Variants in SAXO1 observed in about 807,000 individuals in gnomAD.
The protein encoded by SAXO1 is stabilizer of axonemal microtubules 1, also known as 4930500O09Rik.
Under a neutral mutation model 17.5 loss-of-function variants are expected in SAXO1, and 21 were observed. The observed-to-expected ratio is 1.20, with a 90% CI of 0.85 to 1.72. The LOEUF (loss-of-function observed/expected upper bound fraction) is 1.72, where lower values mean the gene tolerates loss of function less well. Ranked by LOEUF, SAXO1 falls within the 40% of genes most tolerant of loss-of-function variation. The pLI is 0.00. For missense variants in SAXO1, 843 were observed against 596.0 expected, an observed-to-expected ratio of 1.41 and a Z score of -4.32; for synonymous variants, 274 against 216.5, an observed-to-expected ratio of 1.27 and a Z score of -2.33.
chr9:19,028,043 G>A (rs927030227), intron 1 of SAXO1: 2 of 1,611,132 alleles, frequency 1.2e-6, no homozygotes, highest in Non-Finnish European at 1.7e-6. Flanking sequence ...GCACTGCGCA[G>A]GGGTGCCACG....
intron 1 of SAXO1, among the ~76,000 whole-genome samples, chr9:19,042,733 ATG>A (rs1272181401): frequency 3.9e-5 from 6 of 152,276 alleles, no homozygotes; most frequent in African/African-American, 1.4e-4. Flanking sequence ...ATGGTGGTGC[ATG>A]CCTGTAATCC....
At chr9:19,042,485 C>G (rs2131072351) in intron 1 of SAXO1, among the ~76,000 whole-genome samples, 1 of 152,356 alleles carries the variant, frequency 6.6e-6, no homozygotes, top group East Asian at 1.9e-4. Flanking sequence ...AAAGAGATAG[C>G]TGCACTCCTA....
Position 18,928,742 on chromosome 9 carries a change from C to T in SAXO1, c.735G>A (p.Arg245=). 1 of 1,614,022 alleles carries T rather than the reference C, an allele frequency of 6.2e-7. No individual in the cohort carries two copies. Residue 245 remains arginine (R), a synonymous_variant, in exon 4 of 4, where the codon CGG becomes CGA. Coordinates refer to ENST00000380534, the MANE Select transcript of SAXO1 (RefSeq NM_153707.4). ...ESLTTQKQSY[R]GLMGEPAKSL... Reference sequence around the variant, plus strand: ...TCTTGGCAGGCTCCCCCATCAGGCCCCGGTAGGATTGTTTTTGAGTGGTAA... The same window carrying T: ...TCTTGGCAGGCTCCCCCATCAGGCCTCGGTAGGATTGTTTTTGAGTGGTAA...
chr9:18,976,467 A>C (rs1833154777), intron 1 of SAXO1, among the ~76,000 whole-genome samples: 1 of 152,232 alleles, frequency 6.6e-6, no homozygotes, highest in Admixed American at 6.5e-5. Context: ...ATGATTGAGA[A>C]AACTAAAAAC....
chr9:19,036,206 T>C (rs957665064), upstream of SAXO1, among the ~76,000 whole-genome samples: 2 of 149,698 alleles, frequency 1.3e-5, no homozygotes, highest in Non-Finnish European at 3.0e-5. Context: ...TATACCCATG[T>C]AACAAACCTG....
At chr9:19,010,183 A>C (rs974853731) in intron 1 of SAXO1, among the ~76,000 whole-genome samples, 2 of 152,026 alleles carry the variant, frequency 1.3e-5, no homozygotes, top group Non-Finnish European at 2.9e-5. Context: ...CTTATATAAA[A>C]GTTGAAACCT....
At chr9:19,010,550 A>G (rs1376604693) in intron 1 of SAXO1, among the ~76,000 whole-genome samples, 2 of 151,770 alleles carry the variant, frequency 1.3e-5, no homozygotes, top group Non-Finnish European at 2.9e-5. Context: ...GATCCTGACC[A>G]CCCGAAACAG....
chr9:19,018,524 G>A (rs1588540780), intron 1 of SAXO1, among the ~76,000 whole-genome samples: 2 of 152,186 alleles, frequency 1.3e-5, no homozygotes, highest in South Asian at 4.1e-4. Flanking sequence ...GTCAATACAC[G>A]CTGTTGGAAG....
intron 1 of SAXO1, among the ~76,000 whole-genome samples, chr9:18,970,896 G>C (rs1832918688): frequency 1.3e-5 from 2 of 152,144 alleles, no homozygotes; most frequent in African/African-American, 4.8e-5. Flanking sequence ...CCAAAACTTA[G>C]CCCGAGGTCT....
At chr9:18,966,332 G>A (rs189557137) in intron 1 of SAXO1, among the ~76,000 whole-genome samples, 147 of 152,274 alleles carry the variant, frequency 9.7e-4, no homozygotes, top group South Asian at 4.1e-3. Context: ...CCTGAAAAGT[G>A]TTTTCCAACT....
intron 1 of SAXO1, among the ~76,000 whole-genome samples, chr9:18,983,015 G>A (rs1833457638): frequency 6.6e-6 from 1 of 152,156 alleles, no homozygotes; most frequent in Admixed American, 6.5e-5. Context: ...AACATGAGGT[G>A]ACGCTTGGGC....
intron 1 of SAXO1, among the ~76,000 whole-genome samples, chr9:19,007,322 G>T (rs904542586): frequency 6.6e-6 from 1 of 152,064 alleles, no homozygotes; most frequent in Non-Finnish European, 1.5e-5. Flanking sequence ...ACTCCAGCCT[G>T]GTCAAAGAGC....
chr9:18,965,430 G>A lies in SAXO1; in HGVS notation c.39-14493C>T, dbSNP rs370522827. ...TAGAACTTGCTTTATGAATCTGGGT[G>A]CTCCTGTATTGGGTGCATATATATT... On this transcript the variant is annotated intron_variant, in intron 1 of 3. Coordinates refer to ENST00000380534, the MANE Select transcript of SAXO1 (RefSeq NM_153707.4). Among the ~76,000 whole-genome samples the A allele has an allele frequency of 2.9e-3, 439 of 152,258 alleles. 7 individuals carry two copies. The South Asian group carries it at 0.043, about 15-fold the overall frequency.
rs116150121 is a variant in SAXO1 at position 18,979,691 on chromosome 9, T to A, written c.39-28754A>T. On this transcript the variant is annotated intron_variant, in intron 1 of 3. Transcript: ENST00000380534. ...GGGCTGAGAGGATAACAGCCTAGAA[T>A]TGGAGGCAGCATAGTGGCCCACGCC... 4.7e-3 allele frequency among the ~76,000 whole-genome samples: 716 copies of A among 152,296 alleles called. 7 individuals are homozygous for A. Among genetic ancestry groups the A allele is most frequent in the African/African-American group, 0.016 (684 of 41,574 alleles).
chr9:19,043,376 G>A (rs60661461), intron 1 of SAXO1, among the ~76,000 whole-genome samples: 16,557 of 152,232 alleles, frequency 0.11, 1,018 homozygotes, highest in Admixed American at 0.14. Context: ...ACAGAGAGCA[G>A]AAGAATGGTT....
intron 1 of SAXO1, among the ~76,000 whole-genome samples, chr9:18,996,667 C>T (rs1834015028): frequency 6.6e-6 from 1 of 152,068 alleles, no homozygotes; most frequent in South Asian, 2.1e-4. Flanking sequence ...AAAACACTCA[C>T]TAAACTAGAA....
At chr9:18,979,511 C>A (rs572104690) in intron 1 of SAXO1, among the ~76,000 whole-genome samples, 3 of 152,118 alleles carry the variant, frequency 2.0e-5, no homozygotes, top group African/African-American at 7.2e-5. Flanking sequence ...GCAGGGGGCA[C>A]GTGGTGGGAC....
intron 3 of SAXO1, among the ~76,000 whole-genome samples, chr9:18,935,372 T>A (rs1831239612): frequency 6.6e-6 from 1 of 152,184 alleles, no homozygotes; most frequent in South Asian, 2.1e-4. Flanking sequence ...TTTATAAGTC[T>A]CATTTGGCTT....
chr9:18,964,732 G>C (rs938237641), intron 1 of SAXO1, among the ~76,000 whole-genome samples: 1 of 152,046 alleles, frequency 6.6e-6, no homozygotes, highest in Non-Finnish European at 1.5e-5. Context: ...ATTTTTTGAA[G>C]GGTTTCTCAT....
Sources: gnomAD v4.1 joint callset for allele counts (sites outside exome capture counted in the v4.1 genomes callset) on GRCh38, gnomAD v4.1.1 for gene constraint, MANE v1.5 for transcripts, NCBI Gene and HGNC (gene_info 2026-07-23, HGNC 2026-07-21) for gene names.